Variants in EZH1 observed in about 807,000 individuals in gnomAD.
EZH1 encodes histone-lysine N-methyltransferase EZH1.
EZH1 carries 33 observed loss-of-function variants against 100.5 expected under a neutral mutation model. That is an observed-to-expected ratio of 0.33 (90% CI 0.25 to 0.44). The LOEUF (loss-of-function observed/expected upper bound fraction) is 0.44, where lower values mean the gene tolerates loss of function less well. Among genes scored for constraint, EZH1 ranks in the 20% least tolerant of loss-of-function variants. The probability of loss-of-function intolerance (pLI) is 1.00; values close to 1 mark genes in which losing one functional copy is unlikely to be tolerated. For missense variants in EZH1, 475 were observed against 928.4 expected, an observed-to-expected ratio of 0.51 and a Z score of 6.35; for synonymous variants, 272 against 313.8, an observed-to-expected ratio of 0.87 and a Z score of 1.41.
chr17:42,715,984 T>C lies in EZH1; in HGVS notation c.1023+1992A>G, dbSNP rs371530793. ...ATCGTTTGAACCCGGGAGGTGGAGA[T>C]TGTGGTGAGCTGAGATTGCACCATT... On this transcript the variant is annotated intron_variant, in intron 10 of 20. Coordinates refer to ENST00000428826, the MANE Select transcript of EZH1 (RefSeq NM_001991.5). Among the ~76,000 whole-genome samples, 165 of 150,248 alleles carry C rather than the reference T, an allele frequency of 1.1e-3. 1 individual carries two copies. Among genetic ancestry groups the C allele is most frequent in the African/African-American group, 3.9e-3 (158 of 40,952 alleles).
At chr17:42,735,138 T>C (rs2054041748) in intron 1 of EZH1, among the ~76,000 whole-genome samples, 1 of 152,132 alleles carries the variant, frequency 6.6e-6, no homozygotes, top group South Asian at 2.1e-4. Flanking sequence ...GATGCTGTCG[T>C]GTCTGGCTGG....
chr17:42,703,688 C>T (rs1440448196), intron 19 of EZH1, 52 bp downstream of exon 19: 2 of 1,260,760 alleles, frequency 1.6e-6, no homozygotes, highest in African/African-American at 1.5e-5. Context: ...ATGGAAATCA[C>T]AGTAAAGAGG....
intron 6 of EZH1, among the ~76,000 whole-genome samples, chr17:42,720,719 G>T (rs936356883): frequency 6.6e-6 from 1 of 152,060 alleles, no homozygotes; most frequent in Non-Finnish European, 1.5e-5. Context: ...GAGTGCAATG[G>T]CGCGATCTTG....
chr17:42,715,068 T>C (rs1282605705), intron 10 of EZH1, among the ~76,000 whole-genome samples: 1 of 140,226 alleles, frequency 7.1e-6, no homozygotes, highest in Non-Finnish European at 1.5e-5. Flanking sequence ...TTATATACTA[T>C]ATATTACATG....
At position 42,707,945 on chromosome 17, in the gene EZH1, G is replaced by A. The variant is rs371653212; in HGVS notation, c.1660+13C>T. 2.2e-5 allele frequency: 36 copies of A among 1,613,456 alleles called. No individual in the cohort carries two copies. The highest frequency in any genetic ancestry group is 8.0e-5 in the African/African-American group (6 of 74,868). On this transcript the variant is annotated intron_variant, in intron 15 of 20. Coordinates refer to ENST00000428826, the MANE Select transcript of EZH1 (RefSeq NM_001991.5). The stretch of plus-strand genomic sequence containing the variant: ...TGTTTTGGTAGACTATACAGAAAAC[G>A]TAGCACACTTACAGTCTGGGTTGCA...
Position 42,724,368 on chromosome 17 carries a change from T to C in EZH1, c.303A>G (p.Ser101=), listed in dbSNP as rs1204897851. ...TGGGAACCAATGCAACTGTGTTCAG[T>C]GACCTCATTAACATATGTTGGCTTG... ...GFASQHMLMR[S]LNTVALVPIM... Residue 101 remains serine (S), a synonymous_variant, in exon 5 of 21, where the codon TCA becomes TCG. Coordinates refer to ENST00000428826, the MANE Select transcript of EZH1 (RefSeq NM_001991.5). 1.9e-6 allele frequency: 3 copies of C among 1,614,096 alleles called. No individual in the cohort carries two copies. Among genetic ancestry groups the C allele is most frequent in the Non-Finnish European group, 2.5e-6 (3 of 1,179,966 alleles).
At position 42,702,370 on chromosome 17, in the gene EZH1, T is replaced by A; in HGVS notation, c.*162A>T. 1.8e-6 allele frequency: 1 copy of A among 552,642 alleles called. No individual in the cohort carries two copies. Among genetic ancestry groups the A allele is most frequent in the East Asian group, 2.9e-5 (1 of 34,104 alleles). 34.2% of individuals were successfully genotyped at this position (552,642 alleles called of 1,614,324 possible). A position where few individuals can be genotyped will look rare whatever the true frequency, so the allele number is the denominator to read the frequency against. On this transcript the variant is annotated 3_prime_UTR_variant, in exon 21 of 21. Coordinates refer to ENST00000428826, the MANE Select transcript of EZH1 (RefSeq NM_001991.5). ...CTGTCTCCCCTCTCATTGAGACAGT[T>A]TTGTGCCCTCTGGACATGGCAGAGG... is the stretch of plus-strand genomic sequence containing the variant.
At chr17:42,712,207 C>T (rs953694653) in intron 12 of EZH1, 82 bp downstream of exon 12, 4 of 1,430,790 alleles carry the variant, frequency 2.8e-6, no homozygotes, top group Non-Finnish European at 3.8e-6. Flanking sequence ...CCCAGACACA[C>T]AGCCTGGTAA....
chr17:42,712,863 C>G (rs539140963), intron 11 of EZH1, among the ~76,000 whole-genome samples: 1 of 152,128 alleles, frequency 6.6e-6, no homozygotes, highest in South Asian at 2.1e-4. Context: ...CATGGCGAAA[C>G]CCCGTCTCTA....
At chr17:42,702,683 A>G (rs900929765) in intron 20 of EZH1, 91 bp from the exon 21 acceptor site, 3 of 1,361,624 alleles carry the variant, frequency 2.2e-6, no homozygotes, top group Non-Finnish European at 2.1e-6. Flanking sequence ...TTCCCCTCCC[A>G]CTCCTTAAGG....
chr17:42,734,036 T>C (rs1382405433), intron 1 of EZH1, among the ~76,000 whole-genome samples: 1 of 151,062 alleles, frequency 6.6e-6, no homozygotes, highest in Non-Finnish European at 1.5e-5. Context: ...CATGATTATA[T>C]CTCATGCACA....
chr17:42,711,505 T>C (rs1206926340), intron 12 of EZH1, among the ~76,000 whole-genome samples: 1 of 149,944 alleles, frequency 6.7e-6, no homozygotes, highest in Non-Finnish European at 1.5e-5. Flanking sequence ...TAGCTGGGTG[T>C]GGTGGTGGGC....
chr17:42,724,904 C>T (rs1488433004), intron 4 of EZH1, among the ~76,000 whole-genome samples: 1 of 152,174 alleles, frequency 6.6e-6, no homozygotes, highest in Non-Finnish European at 1.5e-5. Flanking sequence ...CATGGTGGCT[C>T]ACGCCTGTAA....
At position 42,722,796 on chromosome 17, in the gene EZH1, T is replaced by TTC; in HGVS notation, c.484_485dup (p.Glu163LysfsTer3). ...CTCCAAGGAGTTCAGTACCACTACC[T>TTC]TCTTCACCATGGACTTTCCCATCAT... On this transcript the variant is annotated frameshift_variant and splice_region_variant, in exon 6 of 21. Coordinates refer to ENST00000428826, the MANE Select transcript of EZH1 (RefSeq NM_001991.5). LOFTEE classifies it high-confidence loss of function. 1 of 1,613,446 alleles carries TTC rather than the reference T, an allele frequency of 6.2e-7. No homozygotes were observed. The highest frequency in any genetic ancestry group is 8.5e-7 in the Non-Finnish European group (1 of 1,179,846).
chr17:42,727,889 TC>T (rs1252044015), intron 3 of EZH1, 126 bp from the exon 4 acceptor site: 14 of 632,176 alleles, frequency 2.2e-5, no homozygotes, highest in Non-Finnish European at 3.0e-5. Flanking sequence ...CGATCTCAGC[TC>T]ACCACAACCT....
In EZH1 at chr17:42,718,969, C is replaced by G; in HGVS notation, c.767+136G>C. 1.4e-6 allele frequency: 1 copy of G among 697,618 alleles called. No homozygotes were observed. The highest frequency in any genetic ancestry group is 2.5e-6 in the Non-Finnish European group (1 of 399,842). 43.2% of individuals were successfully genotyped at this position (697,618 alleles called of 1,614,324 possible). ...GGGCATTTAGAGGTAATTGAGTAAG[C>G]AAGAAATAATCAAATTGCGGGCAAA... On this transcript the variant is annotated intron_variant, in intron 8 of 20. Transcript: ENST00000428826. The surrounding 1 kb of genome is among the most constrained non-coding windows in gnomAD (Gnocchi z 4.2).
chr17:42,740,519 A>G (rs1170503858), intron 1 of EZH1, among the ~76,000 whole-genome samples: 2 of 152,172 alleles, frequency 1.3e-5, no homozygotes, highest in African/African-American at 4.8e-5. Flanking sequence ...TACAGGCGTG[A>G]GCCACTACGC....
chr17:42,719,033 C>CA (rs1053504411), intron 8 of EZH1, 72 bp downstream of exon 8: 59 of 1,221,820 alleles, frequency 4.8e-5, no homozygotes, highest in Non-Finnish European at 6.8e-5. Flanking sequence ...TTTTACTAAC[C>CA]AAAAATTAGG....
intron 12 of EZH1, 98 bp from the exon 13 acceptor site, chr17:42,710,035 A>G: frequency 1.0e-6 from 1 of 996,112 alleles, no homozygotes; most frequent in Non-Finnish European, 1.6e-6. Flanking sequence ...TGAGAAACTC[A>G]GGCAGCTGAC....
Sources: gnomAD v4.1 joint callset for allele counts (sites outside exome capture counted in the v4.1 genomes callset) on GRCh38, gnomAD v4.1.1 for gene constraint, Gnocchi (gnomAD v3.1) non-coding constraint, MANE v1.5 for transcripts, NCBI Gene and HGNC (gene_info 2026-07-23, HGNC 2026-07-21) for gene names.